The following MTREX variants were observed in gnomAD, a reference collection of about 807,000 sequenced individuals.
The protein encoded by MTREX is exosome RNA helicase MTR4.
In MTREX, 76 loss-of-function variants were observed where a neutral mutation model predicts 135.4. The ratio of observed to expected loss-of-function variants is 0.56; its 90% CI spans 0.47 to 0.68. The LOEUF is 0.68. Among genes scored for constraint, MTREX ranks in the 30% least tolerant of loss-of-function variants. The pLI is 0.00. For missense variants in MTREX, 920 were observed against 1,262.1 expected (o/e 0.73, Z 4.11); for synonymous variants, 404 against 401.6 (o/e 1.01, Z -0.07).
chr5:55,322,582 A>G, intron 2 of MTREX, 118 bp downstream of exon 2: 1 of 695,638 alleles, frequency 1.4e-6, no homozygotes, highest in South Asian at 3.6e-5. Flanking sequence ...AAATGAAGAT[A>G]TTCTTTCTAT....
At chr5:55,312,005 G>A (rs1279947969) in intron 1 of MTREX, among the ~76,000 whole-genome samples, 1 of 152,048 alleles carries the variant, frequency 6.6e-6, no homozygotes, top group East Asian at 1.9e-4. Context: ...CATAATGTCT[G>A]AATATTCTAC....
chr5:55,318,821 T>TA (rs1749240824), intron 1 of MTREX, among the ~76,000 whole-genome samples: 1 of 152,070 alleles, frequency 6.6e-6, no homozygotes, highest in African/African-American at 2.4e-5. Flanking sequence ...CTAGGCGAGA[T>TA]ACAATGGTTG....
At chr5:55,421,060 T>G (rs552954200) in intron 25 of MTREX, among the ~76,000 whole-genome samples, 1 of 152,340 alleles carries the variant, frequency 6.6e-6, no homozygotes, top group Non-Finnish European at 1.5e-5. Context: ...AAAAAAAATT[T>G]TGTAACAAAC....
chr5:55,369,879 C>T (rs754397168), intron 16 of MTREX, among the ~76,000 whole-genome samples: 5 of 151,774 alleles, frequency 3.3e-5, no homozygotes, highest in Non-Finnish European at 5.9e-5. Flanking sequence ...GTAATCTAGC[C>T]GCTCTTCTAA....
At position 55,414,240 on chromosome 5, in the gene MTREX, TA is replaced by T; in HGVS notation, c.2808+4del. 6.5e-7 allele frequency: 1 copy of T among 1,538,390 alleles called. No homozygotes were observed. Among genetic ancestry groups the T allele is most frequent in the South Asian group, 1.3e-5 (1 of 79,902 alleles). ...GCAGGACCACTTCGTCAAATGCAGG[TA>T]AGGTTTTTTTTTTTTTTTTTTGAAC... On this transcript the variant is annotated splice_donor_region_variant and intron_variant, in intron 24 of 26. Coordinates refer to ENST00000230640, the MANE Select transcript of MTREX (RefSeq NM_015360.5).
At chr5:55,367,951 A>C (rs916980291) in intron 16 of MTREX, among the ~76,000 whole-genome samples, 70 of 152,332 alleles carry the variant, frequency 4.6e-4, no homozygotes, top group African/African-American at 1.5e-3. Flanking sequence ...TAGCTACCCA[A>C]CCACTGTTAA....
At chr5:55,409,463 T>C (rs1052283595) in intron 22 of MTREX, among the ~76,000 whole-genome samples, 2 of 152,094 alleles carry the variant, frequency 1.3e-5, no homozygotes, top group Non-Finnish European at 2.9e-5. Context: ...TATAAGGAAA[T>C]TGGAAAGAGA....
At chr5:55,343,485 A>C (rs1329168273) in intron 8 of MTREX, 30 bp downstream of exon 8, 14 of 1,587,640 alleles carry the variant, frequency 8.8e-6, no homozygotes, top group South Asian at 1.1e-5. Flanking sequence ...TGATGTCTTC[A>C]ATATTCAAAA....
chr5:55,378,938 T>C (rs552462977), intron 17 of MTREX, among the ~76,000 whole-genome samples, 189 bp from the exon 18 acceptor site: 2 of 152,210 alleles, frequency 1.3e-5, no homozygotes, highest in African/African-American at 4.8e-5. Flanking sequence ...ATTTCTAAAA[T>C]GAAATTTGGC....
At chr5:55,343,076 G>A (rs140748362) in intron 7 of MTREX, among the ~76,000 whole-genome samples, 70 of 152,268 alleles carry the variant, frequency 4.6e-4, no homozygotes, top group African/African-American at 1.5e-3. Context: ...AGGTTGTTTG[G>A]AAAGATTAAC....
chr5:55,412,998 C>T (rs1750906796), intron 23 of MTREX, among the ~76,000 whole-genome samples: 1 of 151,662 alleles, frequency 6.6e-6, no homozygotes, highest in African/African-American at 2.4e-5. Flanking sequence ...AGTACTGGTG[C>T]TTAAAATAAA....
chr5:55,343,060 C>T (rs191660866), intron 7 of MTREX, among the ~76,000 whole-genome samples: 1 of 152,220 alleles, frequency 6.6e-6, no homozygotes, highest in African/African-American at 2.4e-5. Flanking sequence ...CATTGAGGCT[C>T]TTGTTAGGTT....
rs558430995 is a variant in MTREX, at chr5:55,423,819, G to A, written c.3076+837G>A. The A allele has an allele frequency of 4.6e-5, 7 of 152,288 alleles. No individual in the cohort carries two copies. The South Asian group carries it at 1.5e-3, about 32-fold the overall frequency. 9.4% of individuals were successfully genotyped at this position (152,288 alleles called of 1,614,324 possible). On this transcript the variant is annotated intron_variant, in intron 26 of 26. Coordinates refer to ENST00000230640, the MANE Select transcript of MTREX (RefSeq NM_015360.5). ...GTTAATCAAAGAATATAACCACATTGTTGCTGAGTCAGTCAATGCTAGTGA... is the reference window on the plus strand; with the variant it reads ...GTTAATCAAAGAATATAACCACATTATTGCTGAGTCAGTCAATGCTAGTGA...
At chr5:55,344,954 C>T in intron 9 of MTREX, 140 bp from the exon 10 acceptor site, 5 of 611,774 alleles carry the variant, frequency 8.2e-6, no homozygotes, top group East Asian at 5.7e-5. Context: ...TACCTCTTAC[C>T]ACAGATCATG....
Position 55,308,706 on chromosome 5 carries a change from A to G in MTREX, c.134+559A>G, listed in dbSNP as rs1289315433. Among the ~76,000 whole-genome samples the G allele has an allele frequency of 3.3e-5, 5 of 152,216 alleles. No individual in the cohort carries two copies. In the East Asian group the frequency reaches 5.8e-4, roughly 18 times the overall value. Reference sequence around the variant, plus strand: ...TAGCTATCACTAATAAATGGTAGCTATCGTGAGTTTATTGAGAAAAAATTT... The same window carrying G: ...TAGCTATCACTAATAAATGGTAGCTGTCGTGAGTTTATTGAGAAAAAATTT... On this transcript the variant is annotated intron_variant, in intron 1 of 26. Coordinates refer to ENST00000230640, the MANE Select transcript of MTREX (RefSeq NM_015360.5).
chr5:55,381,042 G>T (rs540764456), intron 18 of MTREX, among the ~76,000 whole-genome samples: 1 of 152,104 alleles, frequency 6.6e-6, no homozygotes, highest in Non-Finnish European at 1.5e-5. Flanking sequence ...TCTTCAGATT[G>T]TCTGTAATTT....
intron 22 of MTREX, among the ~76,000 whole-genome samples, chr5:55,409,024 T>C (rs1750848405): frequency 6.6e-6 from 1 of 152,072 alleles, no homozygotes; most frequent in Non-Finnish European, 1.5e-5. Flanking sequence ...AGATCATGGC[T>C]CAGTGCAGTC....
At chr5:55,342,722 A>T (rs1051442389) in intron 7 of MTREX, among the ~76,000 whole-genome samples, 6 of 152,234 alleles carry the variant, frequency 3.9e-5, no homozygotes, top group African/African-American at 1.2e-4. Context: ...TTAAGAAATC[A>T]TTTACCCTTT....
intron 5 of MTREX, among the ~76,000 whole-genome samples, chr5:55,331,022 C>G (rs1330956808): frequency 6.6e-6 from 1 of 151,924 alleles, no homozygotes; most frequent in Non-Finnish European, 1.5e-5. Context: ...CAGTTTCCAT[C>G]TCTAAAATTT....
Sources: gnomAD v4.1 joint callset for allele counts (sites outside exome capture counted in the v4.1 genomes callset) on GRCh38, gnomAD v4.1.1 for gene constraint, MANE v1.5 for transcripts, NCBI Gene and HGNC (gene_info 2026-07-23, HGNC 2026-07-21) for gene names.